The following MACROD2 variants were observed in gnomAD, a reference collection of about 807,000 sequenced individuals.
MACROD2 encodes ADP-ribose glycohydrolase MACROD2.
A neutral mutation model predicts 70.4 loss-of-function variants in MACROD2; 36 were observed. That is an observed-to-expected ratio of 0.51 (90% CI 0.39 to 0.68). MACROD2 has a LOEUF of 0.68. MACROD2 is among the 30% of genes least tolerant of loss of function. The pLI is 0.00. For missense variants in MACROD2, 496 were observed against 538.4 expected, an observed-to-expected ratio of 0.92 and a Z score of 0.78; for synonymous variants, 172 against 178.8, an observed-to-expected ratio of 0.96 and a Z score of 0.30.
At chr20:15,192,146 C>T (rs1236820301) in intron 5 of MACROD2, among the ~76,000 whole-genome samples, 1 of 151,508 alleles carries the variant, frequency 6.6e-6, no homozygotes, top group Non-Finnish European at 1.5e-5. Context: ...CTTTCCTTCC[C>T]ACCTTTCTCA....
intron 12 of MACROD2, among the ~76,000 whole-genome samples, chr20:15,962,682 A>T (rs76025469): frequency 0.011 from 1,689 of 152,288 alleles, 26 homozygotes; most frequent in African/African-American, 0.038. Context: ...CAAGCATTTC[A>T]GATAAGGAAC....
rs78820257 is a variant in MACROD2 at position 15,763,249 on chromosome 20, G to A, written c.646-99496G>A. On this transcript the variant is annotated intron_variant, in intron 8 of 17. Transcript: ENST00000684519. ...AGTGACAGTTCAGTGCTCCTCTGTC[G>A]AGCCCATCCTGATTGCGCTCAGTGG... Among the ~76,000 whole-genome samples, 4 of 152,222 alleles carry A rather than the reference G, an allele frequency of 2.6e-5. No homozygotes were observed. The East Asian group carries it at 7.7e-4, about 29-fold the overall frequency.
chr20:15,491,989 CTG>C (rs1456115682), intron 7 of MACROD2, among the ~76,000 whole-genome samples: 2 of 152,252 alleles, frequency 1.3e-5, no homozygotes, highest in African/African-American at 4.8e-5. Context: ...TAACGACAGA[CTG>C]TGGCCACCTC....
intron 3 of MACROD2, among the ~76,000 whole-genome samples, chr20:14,151,455 G>A (rs981759690): frequency 6.6e-6 from 1 of 152,136 alleles, no homozygotes; most frequent in African/African-American, 2.4e-5. Context: ...ATGAGACCCA[G>A]GTAAGAATTT....
intron 6 of MACROD2, among the ~76,000 whole-genome samples, chr20:15,360,752 G>T (rs2078342558): frequency 6.6e-6 from 1 of 151,836 alleles, no homozygotes; most frequent in Non-Finnish European, 1.5e-5. Context: ...GTTCTAATAG[G>T]TATGTAGTAC....
chr20:14,785,856 G>A (rs1318460183), intron 5 of MACROD2, among the ~76,000 whole-genome samples: 9 of 151,924 alleles, frequency 5.9e-5, no homozygotes, highest in Admixed American at 5.9e-4. Context: ...ATGACTTGCT[G>A]GAGCACCATC....
chr20:14,342,648 C>T (rs546736729), intron 3 of MACROD2, among the ~76,000 whole-genome samples: 5 of 152,284 alleles, frequency 3.3e-5, no homozygotes, highest in African/African-American at 1.2e-4. Context: ...TAGATTTTAG[C>T]AGGTCACGGA....
chr20:14,334,321 AT>A (rs1490487014), intron 3 of MACROD2, among the ~76,000 whole-genome samples: 1 of 152,070 alleles, frequency 6.6e-6, no homozygotes, highest in African/African-American at 2.4e-5. Flanking sequence ...GTGTATACCT[AT>A]TTTCTTAAGA....
intron 1 of MACROD2, among the ~76,000 whole-genome samples, chr20:13,996,828 C>T (rs959910251): frequency 6.6e-6 from 1 of 152,166 alleles, no homozygotes; most frequent in African/African-American, 2.4e-5. Context: ...ACCTGTATAG[C>T]AAGGGTGAGG....
At chr20:15,683,096 C>T (rs528923481) in intron 8 of MACROD2, among the ~76,000 whole-genome samples, 13 of 152,248 alleles carry the variant, frequency 8.5e-5, no homozygotes, top group Non-Finnish European at 1.8e-4. Context: ...AACTAAAAGG[C>T]CATGCATTGC....
intron 2 of MACROD2, among the ~76,000 whole-genome samples, chr20:14,079,359 C>G (rs1601195986): frequency 6.6e-6 from 1 of 152,144 alleles, no homozygotes; most frequent in African/African-American, 2.4e-5. Flanking sequence ...ACTGCTAACG[C>G]AGGATAAAGC....
intron 6 of MACROD2, among the ~76,000 whole-genome samples, chr20:15,375,234 C>G (rs1280082492): frequency 6.6e-6 from 1 of 152,150 alleles, no homozygotes; most frequent in Non-Finnish European, 1.5e-5. Flanking sequence ...ATAACACTTA[C>G]TGACATAATA....
intron 5 of MACROD2, among the ~76,000 whole-genome samples, chr20:14,788,419 T>C (rs1439402336): frequency 1.3e-5 from 2 of 151,794 alleles, no homozygotes; most frequent in Non-Finnish European, 2.9e-5. Flanking sequence ...ACCACATCTC[T>C]ACTAAAAATA....
chr20:16,010,867 A>G (rs868591718), intron 15 of MACROD2, among the ~76,000 whole-genome samples: 3 of 152,244 alleles, frequency 2.0e-5, no homozygotes, highest in African/African-American at 2.4e-5. Flanking sequence ...GCACATAATC[A>G]TATATGGTCT....
intron 6 of MACROD2, among the ~76,000 whole-genome samples, chr20:15,268,438 T>C (rs984311524): frequency 6.6e-6 from 1 of 152,056 alleles, no homozygotes; most frequent in Admixed American, 6.5e-5. Flanking sequence ...GATCATGAGG[T>C]CAGGAGTTCA....
chr20:15,692,244 AT>A (rs1456207945), intron 8 of MACROD2, among the ~76,000 whole-genome samples: 2 of 152,136 alleles, frequency 1.3e-5, no homozygotes, highest in African/African-American at 4.8e-5. Context: ...TCTCAGGCCC[AT>A]GGCAAAATCA....
intron 3 of MACROD2, among the ~76,000 whole-genome samples, chr20:14,302,164 C>A (rs1365136323): frequency 1.3e-5 from 2 of 152,154 alleles, no homozygotes; most frequent in African/African-American, 4.8e-5. Flanking sequence ...TAGATATCAT[C>A]ATGCTGGGCT....
At chr20:15,823,721 G>A (rs1600950917) in intron 8 of MACROD2, among the ~76,000 whole-genome samples, 2 of 152,196 alleles carry the variant, frequency 1.3e-5, no homozygotes, top group Non-Finnish European at 2.9e-5. Flanking sequence ...GTTATTCTAA[G>A]CCATGGGCAG....
chr20:14,631,147 A>G (rs1179226841), intron 4 of MACROD2, among the ~76,000 whole-genome samples: 1 of 152,202 alleles, frequency 6.6e-6, no homozygotes, highest in Non-Finnish European at 1.5e-5. Context: ...CAGACCAGAC[A>G]AAACCAGAAT....
Sources: gnomAD v4.1 joint callset for allele counts (sites outside exome capture counted in the v4.1 genomes callset) on GRCh38, gnomAD v4.1.1 for gene constraint, MANE v1.5 for transcripts, NCBI Gene and HGNC (gene_info 2026-07-23, HGNC 2026-07-21) for gene names.